The following RAI14 variants were observed in gnomAD, a reference collection of about 807,000 sequenced individuals.
RAI14 encodes the protein retinoic acid induced 14.
Under a neutral mutation model 115.4 loss-of-function variants are expected in RAI14, and 45 were observed. The ratio of observed to expected loss-of-function variants is 0.39; its 90% CI spans 0.31 to 0.50. The LOEUF (loss-of-function observed/expected upper bound fraction) is 0.50, where lower values mean the gene tolerates loss of function less well. Ranked by LOEUF, RAI14 falls within the 20% of genes least tolerant of loss-of-function variation. The pLI, the probability that RAI14 is intolerant of heterozygous loss-of-function variation, is 0.85. For missense variants in RAI14, 939 were observed against 1,131.2 expected (o/e 0.83, Z 2.44); for synonymous variants, 371 against 415.4 (o/e 0.89, Z 1.30).
chr5:34,683,533 C>T (rs1744543336), intron 1 of RAI14, among the ~76,000 whole-genome samples: 1 of 152,100 alleles, frequency 6.6e-6, no homozygotes, highest in African/African-American at 2.4e-5. Context: ...CCACTGTTGC[C>T]TAAGACTTTG....
At chr5:34,781,752 AG>A (rs1471080069) in intron 3 of RAI14, among the ~76,000 whole-genome samples, 1 of 152,228 alleles carries the variant, frequency 6.6e-6, no homozygotes, top group African/African-American at 2.4e-5. Context: ...TGTACCCATT[AG>A]TACTGAAAAA....
Position 34,823,028 on chromosome 5 carries a change from C to A in RAI14, c.1186C>A (p.Pro396Thr). 1 of 1,614,000 alleles carries A rather than the reference C, an allele frequency of 6.2e-7. No individual in the cohort carries two copies. Among genetic ancestry groups the A allele is most frequent in the Non-Finnish European group, 8.5e-7 (1 of 1,179,948 alleles). Reference protein sequence around the residue: ...SYHSTQTDLGPSLGKPGETSP... With the variant: ...SYHSTQTDLGTSLGKPGETSP... ...CCATTCCACCCAAACTGACTTGGGC[C>A]CATCCCTGGGAAAACCTGGTGAAAC... The change falls in exon 15 of 18, where the codon CCA becomes ACA. Residue 396 changes from proline (P) to threonine (T), a missense_variant. Physicochemically the swap from Pro to Thr is conservative, Grantham distance 38 (BLOSUM62 -1). Transcript: ENST00000265109. The surrounding 1 kb of genome is among the most constrained non-coding windows in gnomAD (Gnocchi z 4.5).
chr5:34,821,396 A>G (rs1756813250), intron 13 of RAI14, among the ~76,000 whole-genome samples: 1 of 152,218 alleles, frequency 6.6e-6, no homozygotes, highest in Non-Finnish European at 1.5e-5. Flanking sequence ...AAAATGATTC[A>G]CATAACTGAG....
At chr5:34,820,317 C>G (rs954174101) in intron 13 of RAI14, among the ~76,000 whole-genome samples, 5 of 152,324 alleles carry the variant, frequency 3.3e-5, no homozygotes, top group East Asian at 1.9e-4. Flanking sequence ...TGGTGGCCCA[C>G]ACCTGTAATC....
chr5:34,690,071 G>A (rs571056214), intron 2 of RAI14, among the ~76,000 whole-genome samples: 2 of 152,204 alleles, frequency 1.3e-5, no homozygotes, highest in Non-Finnish European at 2.9e-5. Flanking sequence ...CAGGGAAACT[G>A]AGAGCTGGGG....
intron 2 of RAI14, among the ~76,000 whole-genome samples, chr5:34,723,624 A>T (rs918664484): frequency 3.9e-5 from 6 of 152,208 alleles, no homozygotes; most frequent in African/African-American, 1.4e-4. Flanking sequence ...ACCGTCGCAT[A>T]GTGGAGATGA....
chr5:34,662,396 A>G (rs1376729406), intron 1 of RAI14, among the ~76,000 whole-genome samples: 1 of 152,164 alleles, frequency 6.6e-6, no homozygotes, highest in Non-Finnish European at 1.5e-5. Context: ...AATTTTTTCT[A>G]CCTTGCATGA....
intron 16 of RAI14, 100 bp from the exon 17 acceptor site, chr5:34,829,632 C>T (rs1757819906): frequency 2.2e-6 from 2 of 918,426 alleles, no homozygotes; most frequent in Non-Finnish European, 3.3e-6. Flanking sequence ...TGGAGGGGAC[C>T]ACTTGGGTAG....
intron 3 of RAI14, among the ~76,000 whole-genome samples, chr5:34,778,432 C>T (rs919577670): frequency 8.5e-5 from 13 of 152,160 alleles, no homozygotes; most frequent in Admixed American, 2.6e-4. Flanking sequence ...TGGTGGCTCA[C>T]GCCTGTAATC....
rs1739345135 is a variant in RAI14, at chr5:34,697,117, T to C, written c.36+10162T>C. On this transcript the variant is annotated intron_variant, in intron 2 of 17. Coordinates refer to ENST00000265109, the MANE Select transcript of RAI14 (RefSeq NM_015577.3). ...CTGCACTCTAGCCTGGCCGACAGAGTAAGACTCCATCTCAAAAAATAATAA... is the reference window on the plus strand; with the variant it reads ...CTGCACTCTAGCCTGGCCGACAGAGCAAGACTCCATCTCAAAAAATAATAA... Among the ~76,000 whole-genome samples, 5 of 143,362 alleles carry C rather than the reference T, an allele frequency of 3.5e-5. No individual in the cohort carries two copies. In the Admixed American group the frequency reaches 3.5e-4, roughly 10 times the overall value. The allele number at this position is 143,362 out of a possible 152,430, so 94.1% of individuals were successfully genotyped here. A position where few individuals can be genotyped will look rare whatever the true frequency, so the allele number is the denominator to read the frequency against.
At chr5:34,713,185 G>T (rs1741602963) in intron 2 of RAI14, among the ~76,000 whole-genome samples, 1 of 152,140 alleles carries the variant, frequency 6.6e-6, no homozygotes, top group East Asian at 1.9e-4. Context: ...TCTTCTGAGA[G>T]CTTATGATGT....
intron 2 of RAI14, among the ~76,000 whole-genome samples, chr5:34,709,204 T>A (rs188937288): frequency 5.3e-5 from 8 of 151,606 alleles, no homozygotes; most frequent in Non-Finnish European, 1.0e-4. Context: ...TCCCAGCAAT[T>A]TGGGAGGCCA....
At chr5:34,721,291 G>A (rs1350489580) in intron 2 of RAI14, among the ~76,000 whole-genome samples, 1 of 131,156 alleles carries the variant, frequency 7.6e-6, no homozygotes, top group African/African-American at 2.8e-5. Context: ...ATGTAGATGT[G>A]TATATATATA....
chr5:34,810,861 A>G (rs531408903), intron 7 of RAI14, 151 bp from the exon 8 acceptor site: 5 of 1,196,418 alleles, frequency 4.2e-6, no homozygotes, highest in South Asian at 3.0e-5. Flanking sequence ...TCGTGACTCT[A>G]TAGGGGTACA....
intron 7 of RAI14, among the ~76,000 whole-genome samples, chr5:34,808,946 A>G (rs1755253742): frequency 6.6e-6 from 1 of 152,144 alleles, no homozygotes; most frequent in Non-Finnish European, 1.5e-5. Context: ...CTGATCTTAT[A>G]GGCAGTACTG....
chr5:34,705,409 A>T (rs1740592065), intron 2 of RAI14, among the ~76,000 whole-genome samples: 1 of 152,118 alleles, frequency 6.6e-6, no homozygotes, highest in Non-Finnish European at 1.5e-5. Flanking sequence ...ATTAAAATTA[A>T]TTTCACCAGC....
chr5:34,667,625 T>C (rs1436391067), intron 1 of RAI14, among the ~76,000 whole-genome samples: 2 of 152,272 alleles, frequency 1.3e-5, no homozygotes, highest in East Asian at 3.9e-4. Context: ...TAACGGTATA[T>C]TTACCATCCA....
chr5:34,755,078 C>T (rs980428816), intron 2 of RAI14, among the ~76,000 whole-genome samples: 6 of 151,696 alleles, frequency 4.0e-5, no homozygotes, highest in Non-Finnish European at 8.9e-5. Flanking sequence ...GATCATTGGT[C>T]CTAAATGTTC....
chr5:34,741,677 A>G (rs1334753525), intron 2 of RAI14, among the ~76,000 whole-genome samples: 1 of 152,140 alleles, frequency 6.6e-6, no homozygotes, highest in African/African-American at 2.4e-5. Flanking sequence ...TTGAAACTGG[A>G]TTAAGAAAAG....
Sources: gnomAD v4.1 joint callset for allele counts (sites outside exome capture counted in the v4.1 genomes callset) on GRCh38, gnomAD v4.1.1 for gene constraint, Gnocchi (gnomAD v3.1) non-coding constraint, MANE v1.5 for transcripts, NCBI Gene and HGNC (gene_info 2026-07-23, HGNC 2026-07-21) for gene names.